GALNT13: variants seen among roughly 807,000 people sequenced by gnomAD.
GALNT13 encodes the protein UDP-GalNAc:polypeptide N-acetylgalactosaminyltransferase 13.
A neutral mutation model predicts 64.2 loss-of-function variants in GALNT13; 28 were observed. That is an observed-to-expected ratio of 0.44 (90% CI 0.32 to 0.60). The LOEUF is 0.60. GALNT13 is among the 20% of genes least tolerant of loss of function. GALNT13 has a pLI of 0.05. For synonymous variants in GALNT13, 214 were observed against 224.6 expected (o/e 0.95, Z 0.42); for missense variants, 577 against 669.8 (o/e 0.86, Z 1.53).
At chr2:153,952,806 A>C (rs116630587) in intron 3 of GALNT13, among the ~76,000 whole-genome samples, 4 of 152,174 alleles carry the variant, frequency 2.6e-5, no homozygotes, top group Non-Finnish European at 4.4e-5. Context: ...GCAGCCTTCA[A>C]TCTGTGGTTG....
the GALNT13 span, among the ~76,000 whole-genome samples, chr2:153,177,813 A>G: frequency 6.6e-6 from 1 of 152,154 alleles, no homozygotes; most frequent in Non-Finnish European, 1.5e-5. Flanking sequence ...ATAGCAAAAG[A>G]AAAAACCCAT....
chr2:153,527,606 G>A, the GALNT13 span, among the ~76,000 whole-genome samples: 1 of 152,110 alleles, frequency 6.6e-6, no homozygotes, highest in East Asian at 1.9e-4. Context: ...ACTGGTAACA[G>A]TAGGTACTCA....
At chr2:153,992,362 C>T (rs1411751261) in intron 3 of GALNT13, among the ~76,000 whole-genome samples, 1 of 152,124 alleles carries the variant, frequency 6.6e-6, no homozygotes, top group Non-Finnish European at 1.5e-5. Flanking sequence ...CAGATACAAA[C>T]TGTGCTTTGA....
At chr2:153,647,705 C>A in the GALNT13 span, among the ~76,000 whole-genome samples, 4 of 152,146 alleles carry the variant, frequency 2.6e-5, no homozygotes, top group Non-Finnish European at 5.9e-5. Context: ...TTTCCCAGCA[C>A]CATTTGTTAA....
chr2:153,801,919 G>A, the GALNT13 span, among the ~76,000 whole-genome samples: 1 of 152,008 alleles, frequency 6.6e-6, no homozygotes, highest in Non-Finnish European at 1.5e-5. Context: ...TGTGTCTCCT[G>A]TGTCTTTCTG....
At chr2:153,555,256 G>A in the GALNT13 span, among the ~76,000 whole-genome samples, 5 of 99,180 alleles carry the variant, frequency 5.0e-5, no homozygotes, top group Non-Finnish European at 6.2e-5. Context: ...GTGCAGTGGC[G>A]CGATCTCGGC....
chr2:154,019,260 A>G (rs1425028917), intron 3 of GALNT13, among the ~76,000 whole-genome samples: 1 of 152,138 alleles, frequency 6.6e-6, no homozygotes, highest in African/African-American at 2.4e-5. Flanking sequence ...AATCAAATGG[A>G]TTGTTTAGGT....
intron 3 of GALNT13, among the ~76,000 whole-genome samples, chr2:154,007,408 C>A (rs1280849564): frequency 6.6e-6 from 1 of 151,924 alleles, no homozygotes; most frequent in Non-Finnish European, 1.5e-5. Flanking sequence ...AATGCCTTAC[C>A]CATAGAAACT....
At chr2:153,831,009 T>C in the GALNT13 span, among the ~76,000 whole-genome samples, 1 of 152,234 alleles carries the variant, frequency 6.6e-6, no homozygotes, top group African/African-American at 2.4e-5. Flanking sequence ...CTCAAATTTC[T>C]TTCTAGCAGC....
In GALNT13 at chr2:153,953,902, C is replaced by T. The variant is rs1014124958; in HGVS notation, c.142+9263C>T. The stretch of plus-strand genomic sequence containing the variant: ...GCTGACCAATGACTTCAGTTCAAAA[C>T]ATTTACATTTTTCTTGGTGCTGCCA... On this transcript the variant is annotated intron_variant, in intron 3 of 12. Coordinates refer to ENST00000392825, the MANE Select transcript of GALNT13 (RefSeq NM_052917.4). Among the ~76,000 whole-genome samples the T allele has an allele frequency of 2.0e-5, 3 of 152,098 alleles. No individual in the cohort carries two copies. The South Asian group carries it at 6.2e-4, about 32-fold the overall frequency.
chr2:153,535,937 C>T, the GALNT13 span, among the ~76,000 whole-genome samples: 3 of 152,158 alleles, frequency 2.0e-5, no homozygotes, highest in East Asian at 5.8e-4. Flanking sequence ...CTTCTCAGAC[C>T]CTTTAGGAAA....
chr2:153,741,060 T>C, the GALNT13 span, among the ~76,000 whole-genome samples: 1 of 152,196 alleles, frequency 6.6e-6, no homozygotes, highest in African/African-American at 2.4e-5. Context: ...TTAATGTTGA[T>C]TAATAAATGA....
chr2:153,217,907 A>G, the GALNT13 span, among the ~76,000 whole-genome samples: 2 of 152,088 alleles, frequency 1.3e-5, no homozygotes. Context: ...TTTATTATAT[A>G]TGGCAAGAGA....
intron 3 of GALNT13, among the ~76,000 whole-genome samples, chr2:153,985,755 G>T (rs1339049451): frequency 6.6e-6 from 1 of 151,954 alleles, no homozygotes; most frequent in African/African-American, 2.4e-5. Flanking sequence ...AACATGTCCT[G>T]ACTGAAGGTC....
chr2:153,902,908 C>CA (rs1165776018), intron 2 of GALNT13, among the ~76,000 whole-genome samples: 5 of 151,986 alleles, frequency 3.3e-5, no homozygotes, highest in African/African-American at 1.2e-4. Context: ...AGAGTCATTG[C>CA]AGTTTACCAG....
At chr2:153,744,521 A>G in the GALNT13 span, among the ~76,000 whole-genome samples, 1 of 152,090 alleles carries the variant, frequency 6.6e-6, no homozygotes, top group Non-Finnish European at 1.5e-5. Context: ...TTTTAATCAA[A>G]TTATTAGATT....
the GALNT13 span, among the ~76,000 whole-genome samples, chr2:153,640,675 A>T: frequency 3.3e-5 from 5 of 152,042 alleles, no homozygotes; most frequent in African/African-American, 1.2e-4. Flanking sequence ...CCAGCTTCTC[A>T]GGGTGCTGAG....
intron 4 of GALNT13, among the ~76,000 whole-genome samples, chr2:154,172,044 T>C (rs1051641668): frequency 6.6e-6 from 1 of 151,666 alleles, no homozygotes; most frequent in South Asian, 2.1e-4. Flanking sequence ...GACCTTAAGT[T>C]TGAGCCTCAA....
intron 11 of GALNT13, among the ~76,000 whole-genome samples, chr2:154,427,585 G>A (rs1172162406): frequency 3.3e-5 from 5 of 152,164 alleles, no homozygotes; most frequent in Non-Finnish European, 7.3e-5. Flanking sequence ...CAGAAAGAGT[G>A]AATGCTTTAC....
Sources: allele counts gnomAD v4.1 joint callset (sites outside exome capture counted in the v4.1 genomes callset), GRCh38; gene constraint gnomAD v4.1.1; transcripts MANE v1.5; gene names NCBI Gene and HGNC (gene_info 2026-07-23, HGNC 2026-07-21).